THEMIS: variants seen among roughly 807,000 people sequenced by gnomAD.
THEMIS encodes thymocyte selection associated, also known as protein THEMIS.
In THEMIS, 37 loss-of-function variants were observed where a neutral mutation model predicts 52.6. The ratio of observed to expected loss-of-function variants is 0.70; its 90% confidence interval spans 0.54 to 0.93. The LOEUF is 0.93. Among genes scored for constraint, THEMIS ranks in the 40% least tolerant of loss-of-function variants. THEMIS has a pLI of 0.00. For synonymous variants in THEMIS, 292 were observed against 272.7 expected (o/e 1.07, Z -0.70); for missense variants, 808 against 763.1 (o/e 1.06, Z -0.69).
intron 4 of THEMIS, among the ~76,000 whole-genome samples, chr6:127,722,236 T>C (rs1414892695): frequency 6.6e-6 from 1 of 152,122 alleles, no homozygotes; most frequent in Middle Eastern, 3.4e-3. Flanking sequence ...TTACATATTA[T>C]AGCCAGGCTG....
chr6:127,896,628 G>A (rs1780975772), intron 1 of THEMIS, among the ~76,000 whole-genome samples: 1 of 151,550 alleles, frequency 6.6e-6, no homozygotes, highest in Non-Finnish European at 1.5e-5. Context: ...ATTCTAAAAT[G>A]TATGTGAAAA....
In THEMIS at chr6:127,895,543, C is replaced by T. The variant is rs374564375; in HGVS notation, c.91+5299G>A. Among the ~76,000 whole-genome samples, 13 of 151,588 alleles carry T rather than the reference C, an allele frequency of 8.6e-5. 1 individual carries two copies. Among genetic ancestry groups the T allele is most frequent in the Admixed American group, 7.2e-4 (11 of 15,214 alleles). ...CTCAATATAGCAATATATATATACA[C>T]ATGATATAAGTATGTGTGTGTGCAT... On this transcript the variant is annotated intron_variant, in intron 1 of 5. Transcript: ENST00000368248.
At chr6:127,752,377 TG>T (rs1439868417) in intron 4 of THEMIS, among the ~76,000 whole-genome samples, 26 of 145,910 alleles carry the variant, frequency 1.8e-4, no homozygotes, top group African/African-American at 6.3e-4. Flanking sequence ...TTTTTTTTTT[TG>T]GAAAAATAAA....
At chr6:127,877,300 G>C (rs1780343392) in intron 1 of THEMIS, among the ~76,000 whole-genome samples, 1 of 152,108 alleles carries the variant, frequency 6.6e-6, no homozygotes, top group African/African-American at 2.4e-5. Flanking sequence ...ATATTCACTG[G>C]AGTAGTACAT....
At chr6:127,712,442 A>G (rs751544689) in intron 5 of THEMIS, among the ~76,000 whole-genome samples, 26 of 151,966 alleles carry the variant, frequency 1.7e-4, no homozygotes, top group Non-Finnish European at 3.1e-4. Flanking sequence ...AAATCTCAAA[A>G]TGTGCAAGAA....
At chr6:127,704,207 G>C (rs1030997908), downstream of THEMIS, among the ~76,000 whole-genome samples, 1 of 152,270 alleles carries the variant, frequency 6.6e-6, no homozygotes, top group Admixed American at 6.5e-5. Flanking sequence ...ATTTAGTAAG[G>C]CTTTTGGGGT....
intron 4 of THEMIS, among the ~76,000 whole-genome samples, chr6:127,734,416 G>C (rs1399436990): frequency 1.3e-5 from 2 of 152,134 alleles, no homozygotes; most frequent in African/African-American, 4.8e-5. Flanking sequence ...AAGCAAAATT[G>C]GTCCTGAGTT....
intron 2 of THEMIS, among the ~76,000 whole-genome samples, chr6:127,851,658 T>C (rs1431332352): frequency 6.6e-6 from 1 of 151,754 alleles, no homozygotes; most frequent in Non-Finnish European, 1.5e-5. Flanking sequence ...CGTCTACTTA[T>C]AAAATGTCCA....
At chr6:127,732,209 G>C (rs143314591) in intron 4 of THEMIS, among the ~76,000 whole-genome samples, 4 of 151,680 alleles carry the variant, frequency 2.6e-5, no homozygotes, top group African/African-American at 9.7e-5. Context: ...ATAACATGGC[G>C]AAGTTTTTTG....
At chr6:127,762,887 G>T (rs1406802244) in intron 4 of THEMIS, among the ~76,000 whole-genome samples, 1 of 151,798 alleles carries the variant, frequency 6.6e-6, no homozygotes, top group Non-Finnish European at 1.5e-5. Flanking sequence ...AATACATTCA[G>T]TGTTGTCTAC....
intron 2 of THEMIS, among the ~76,000 whole-genome samples, chr6:127,853,974 T>C (rs895037333): frequency 1.3e-5 from 2 of 151,642 alleles, no homozygotes; most frequent in African/African-American, 4.8e-5. Flanking sequence ...AGAACACAAG[T>C]ATACTTCCAT....
At chr6:127,802,472 A>G (rs1777568613) in intron 4 of THEMIS, among the ~76,000 whole-genome samples, 1 of 152,220 alleles carries the variant, frequency 6.6e-6, no homozygotes, top group South Asian at 2.1e-4. Flanking sequence ...ACCATAATGG[A>G]CAGCAGAGGC....
chr6:127,906,268 AAAGAT>A (rs1781266665), intron 1 of THEMIS, among the ~76,000 whole-genome samples: 1 of 151,762 alleles, frequency 6.6e-6, no homozygotes, highest in African/African-American at 2.4e-5. Context: ...AAGGATTATA[AAAGAT>A]AATAAGGTTA....
At chr6:127,793,191 G>A (rs369281861) in intron 4 of THEMIS, among the ~76,000 whole-genome samples, 18 of 152,190 alleles carry the variant, frequency 1.2e-4, no homozygotes, top group African/African-American at 4.1e-4. Flanking sequence ...ACAGGGACAA[G>A]CTACAAGCAG....
chr6:127,860,633 A>G (rs1235664614), intron 1 of THEMIS, among the ~76,000 whole-genome samples: 1 of 152,126 alleles, frequency 6.6e-6, no homozygotes, highest in Admixed American at 6.6e-5. Flanking sequence ...GGGAAGCAAT[A>G]AAAGTTCCTA....
chr6:127,905,117 A>G (rs1233991716), upstream of THEMIS, among the ~76,000 whole-genome samples: 1 of 152,076 alleles, frequency 6.6e-6, no homozygotes. Context: ...TCCAAAGTTG[A>G]AAAAGGCATC....
At chr6:127,836,239 T>C (rs185465319) in intron 2 of THEMIS, among the ~76,000 whole-genome samples, 1 of 152,158 alleles carries the variant, frequency 6.6e-6, no homozygotes, top group Non-Finnish European at 1.5e-5. Context: ...GTATTGATGT[T>C]GCCTGCAAAT....
chr6:127,799,438 A>T (rs1777445613), intron 4 of THEMIS, among the ~76,000 whole-genome samples: 1 of 152,222 alleles, frequency 6.6e-6, no homozygotes, highest in Non-Finnish European at 1.5e-5. Flanking sequence ...GACTGTTCCT[A>T]CATATTTGGT....
At chr6:127,858,619 CA>C (rs1305547497) in intron 1 of THEMIS, among the ~76,000 whole-genome samples, 3 of 152,044 alleles carry the variant, frequency 2.0e-5, no homozygotes, top group African/African-American at 4.8e-5. Context: ...TATCTCAAAA[CA>C]AACACATAAT....
Sources: gnomAD v4.1 joint callset for allele counts (sites outside exome capture counted in the v4.1 genomes callset) on GRCh38, gnomAD v4.1.1 for gene constraint, MANE v1.5 for transcripts, NCBI Gene and HGNC (gene_info 2026-07-23, HGNC 2026-07-21) for gene names.